Variants in STRADA observed in about 807,000 individuals in gnomAD.
STRADA encodes STE20 related adaptor alpha, also known as STE20-related kinase adapter protein alpha.
A neutral mutation model predicts 55.0 loss-of-function variants in STRADA; 26 were observed. The ratio of observed to expected loss-of-function variants is 0.47; its 90% confidence interval spans 0.35 to 0.66. The LOEUF is 0.66. Ranked by LOEUF, STRADA falls within the 30% of genes least tolerant of loss-of-function variation. The pLI is 0.01. For synonymous variants in STRADA, 197 were observed against 210.9 expected, an observed-to-expected ratio of 0.93 and a Z score of 0.57; for missense variants, 443 against 549.7, an observed-to-expected ratio of 0.81 and a Z score of 1.94.
In STRADA at chr17:63,703,641, T is replaced by C. The variant is rs749005146; in HGVS notation, c.1254A>G (p.Val418=). 1.9e-6 allele frequency: 3 copies of C among 1,614,098 alleles called. No individual in the cohort carries two copies. Among genetic ancestry groups the C allele is most frequent in the Non-Finnish European group, 1.7e-6 (2 of 1,180,032 alleles). ...CCACCTCCAGCTCTTCCAGGTTTGT[T>C]ACCAGGCCAAAGATTCCACTGTGGT... The part of the protein sequence containing the change: ...SQDHSGIFGL[V]TNLEELEVDD... Residue 418 remains valine (V), a synonymous_variant, in exon 13 of 13, where the codon GTA becomes GTG. Coordinates refer to ENST00000336174, the MANE Select transcript of STRADA (RefSeq NM_001003787.4).
chr17:63,712,966 A>T (rs2036601264), intron 6 of STRADA, among the ~76,000 whole-genome samples: 1 of 149,402 alleles, frequency 6.7e-6, no homozygotes, highest in Non-Finnish European at 1.5e-5. Context: ...GTGCCACTGC[A>T]CTCCAGCCTG....
chr17:63,735,631 T>C (rs192238029), intron 1 of STRADA, among the ~76,000 whole-genome samples: 354 of 152,334 alleles, frequency 2.3e-3, no homozygotes, highest in Admixed American at 4.2e-3. Flanking sequence ...ATAATAACCA[T>C]ATATCTGAGG....
In STRADA at chr17:63,710,313, G is replaced by A. The variant is rs538356754; in HGVS notation, c.581+178C>T. 201 of 1,040,558 alleles carry A rather than the reference G, an allele frequency of 1.9e-4. 1 individual carries two copies. In the African/African-American group the frequency reaches 3.0e-3, roughly 15 times the overall value. The allele number at this position is 1,040,558 out of a possible 1,614,324, so 64.5% of individuals were successfully genotyped here. A position where few individuals can be genotyped will look rare whatever the true frequency, so the allele number is the denominator to read the frequency against. ...TGGCCTCCCAAGCGCTGTGATTACA[G>A]GCGTGAGCCATCGCGCTGGGCCCTG... On this transcript the variant is annotated intron_variant, in intron 8 of 12. Transcript: ENST00000336174.
intron 1 of STRADA, among the ~76,000 whole-genome samples, chr17:63,740,117 CA>C (rs1247556068): frequency 3.2e-4 from 17 of 53,620 alleles, no homozygotes; most frequent in African/African-American, 2.1e-3. Context: ...TACATACATA[CA>C]TATATATATA....
rs1424853060 is a variant in STRADA, at chr17:63,740,860, T to A, written c.-45+881A>T. ...GGGACAGATTTGACCAGTTCAGCAC[T>A]GTAACTAAAGGCTGAATTCACAGGC... On this transcript the variant is annotated intron_variant, in intron 1 of 12. Transcript: ENST00000336174. 3.3e-5 allele frequency among the ~76,000 whole-genome samples: 5 copies of A among 152,222 alleles called. No homozygotes were observed. The South Asian group carries it at 1.0e-3, about 31-fold the overall frequency.
chr17:63,730,620 G>A (rs568721423), intron 1 of STRADA, among the ~76,000 whole-genome samples: 14 of 151,806 alleles, frequency 9.2e-5, no homozygotes, highest in African/African-American at 1.7e-4. Flanking sequence ...GTGGTGGCGC[G>A]ATCCTGGCTC....
intron 11 of STRADA, 26 bp downstream of exon 11, chr17:63,704,315 G>A: frequency 1.9e-6 from 3 of 1,610,566 alleles, no homozygotes; most frequent in Non-Finnish European, 2.5e-6. Context: ...CTCTCCCGAA[G>A]CCCAGGCCCA....
intron 4 of STRADA, among the ~76,000 whole-genome samples, chr17:63,719,824 C>T (rs976765728): frequency 5.3e-5 from 8 of 151,978 alleles, no homozygotes; most frequent in African/African-American, 1.5e-4. Context: ...CCTTGTCAGG[C>T]GTGCATATAA....
intron 1 of STRADA, among the ~76,000 whole-genome samples, chr17:63,728,893 A>AT (rs964569911): frequency 1.7e-4 from 26 of 150,494 alleles, no homozygotes; most frequent in Admixed American, 6.0e-4. Context: ...CTGTCTCAAA[A>AT]AAAAAAAAAA....
chr17:63,737,277 A>AAAAAAAAAAAAC (rs2038514342), intron 1 of STRADA: 1 of 143,504 alleles, frequency 7.0e-6, no homozygotes, highest in Admixed American at 7.1e-5. Flanking sequence ...AAAAAAAAAA[A>AAAAAAAAAAAAC]TTGAGATAGT....
At chr17:63,733,979 A>C (rs1460207038) in intron 1 of STRADA, among the ~76,000 whole-genome samples, 1 of 152,108 alleles carries the variant, frequency 6.6e-6, no homozygotes, top group Non-Finnish European at 1.5e-5. Flanking sequence ...TTTTCTTTGT[A>C]TTCTTCTGTT....
At chr17:63,727,784 T>G (rs2037755286) in intron 2 of STRADA, 1 of 152,272 alleles carries the variant, frequency 6.6e-6, no homozygotes, top group African/African-American at 2.4e-5. Context: ...CAACTGCATT[T>G]AGAAATTAGG....
At chr17:63,727,673 T>A (rs998085239) in intron 2 of STRADA, 1 of 152,202 alleles carries the variant, frequency 6.6e-6, no homozygotes, top group Non-Finnish European at 1.5e-5. Context: ...TTATATGCAC[T>A]GCATCAAAAA....
Position 63,710,478 on chromosome 17 carries a change from C to T in STRADA, c.581+13G>A, listed in dbSNP as rs772086766. The T allele has an allele frequency of 7.4e-6, 12 of 1,613,002 alleles. No homozygotes were observed. The highest frequency in any genetic ancestry group is 9.3e-6 in the Non-Finnish European group (11 of 1,179,828). On this transcript the variant is annotated intron_variant, in intron 8 of 12. Transcript: ENST00000336174. ...CCCACTGTAATCATGGGAAAGGCCGCCTAAGAACGCACCTGTGTACATATC... is the reference window on the plus strand; with the variant it reads ...CCCACTGTAATCATGGGAAAGGCCGTCTAAGAACGCACCTGTGTACATATC...
At chr17:63,740,634 T>A (rs1322222738) in intron 1 of STRADA, among the ~76,000 whole-genome samples, 1 of 152,134 alleles carries the variant, frequency 6.6e-6, no homozygotes, top group East Asian at 1.9e-4. Context: ...TATTATCATC[T>A]CTGTTTTACG....
At chr17:63,737,276 A>AAAAAAAAAAAAAAAAAAAAC (rs2038514113) in intron 1 of STRADA, 1 of 142,790 alleles carries the variant, frequency 7.0e-6, no homozygotes, top group Admixed American at 7.2e-5. Flanking sequence ...AAAAAAAAAA[A>AAAAAAAAAAAAAAAAAAAAC]ATTGAGATAG....
intron 1 of STRADA, among the ~76,000 whole-genome samples, chr17:63,738,340 C>CAAAA (rs561180973): frequency 5.2e-5 from 4 of 76,786 alleles, no homozygotes; most frequent in Admixed American, 3.1e-4. Context: ...GACTCCGACT[C>CAAAA]AAAAAAAAAA....
chr17:63,735,843 A>G (rs2038380563), intron 1 of STRADA, among the ~76,000 whole-genome samples: 1 of 152,108 alleles, frequency 6.6e-6, no homozygotes, highest in Admixed American at 6.5e-5. Context: ...GGAATGAGGG[A>G]AGGAGAAGTG....
chr17:63,704,065 G>A lies in STRADA; in HGVS notation c.1101-18C>T, dbSNP rs367885390. On this transcript the variant is annotated intron_variant, in intron 11 of 12. Transcript: ENST00000336174. ...CACTGGGCCTGGAGGGAAAGGGGAG[G>A]AGAGACCGCAGCATCACTGCCGTGT... 9 of 1,612,084 alleles carry A rather than the reference G, an allele frequency of 5.6e-6. No homozygotes were observed. The African/African-American group carries it at 1.2e-4, about 22-fold the overall frequency.
Sources: gnomAD v4.1 joint callset for allele counts (sites outside exome capture counted in the v4.1 genomes callset) on GRCh38, gnomAD v4.1.1 for gene constraint, MANE v1.5 for transcripts, NCBI Gene and HGNC (gene_info 2026-07-23, HGNC 2026-07-21) for gene names.